Variants in SSU72 observed in about 807,000 individuals in gnomAD.
The protein encoded by SSU72 is SSU72 homolog, RNA polymerase II CTD phosphatase, also known as RNA polymerase II subunit A C-terminal domain phosphatase SSU72.
A neutral mutation model predicts 22.7 loss-of-function variants in SSU72; 12 were observed. That is an observed-to-expected ratio of 0.53 (90% CI 0.34 to 0.86). The LOEUF is 0.86. Ranked by LOEUF, SSU72 falls within the 40% of genes least tolerant of loss-of-function variation. The pLI is 0.02. For synonymous variants in SSU72, 116 were observed against 98.3 expected (o/e 1.18, Z -1.06); for missense variants, 151 against 249.8 (o/e 0.60, Z 2.67).
At chr1:1,553,034 A>G (rs1206063826) in intron 2 of SSU72, among the ~76,000 whole-genome samples, 1 of 152,098 alleles carries the variant, frequency 6.6e-6, no homozygotes, top group African/African-American at 2.4e-5. Context: ...AAAAAAAAAA[A>G]AAAAATTACT....
At chr1:1,562,475 T>C (rs913830682) in intron 2 of SSU72, 4 of 152,136 alleles carry the variant, frequency 2.6e-5, no homozygotes, top group Admixed American at 2.0e-4. Flanking sequence ...GGGAAGGGGC[T>C]GCGTGGTCAT....
chr1:1,555,054 C>A (rs1642503934), intron 2 of SSU72, among the ~76,000 whole-genome samples: 1 of 152,168 alleles, frequency 6.6e-6, no homozygotes, highest in Non-Finnish European at 1.5e-5. Flanking sequence ...GACAGACACA[C>A]CCACGAGGGG....
chr1:1,570,734 G>C (rs149113254), intron 1 of SSU72, among the ~76,000 whole-genome samples: 1 of 152,220 alleles, frequency 6.6e-6, no homozygotes, highest in Non-Finnish European at 1.5e-5. Flanking sequence ...GCTTATCCCC[G>C]ATGCATGCGT....
chr1:1,549,496 G>T (rs1354991271), intron 2 of SSU72, among the ~76,000 whole-genome samples: 1 of 151,230 alleles, frequency 6.6e-6, no homozygotes, highest in Non-Finnish European at 1.5e-5. Context: ...TCCAGCCTGG[G>T]GGACAGAGCG....
rs772686303 is a variant in SSU72 at position 1,554,317 on chromosome 1, C to A, written c.225-9315G>T. Among the ~76,000 whole-genome samples, 2 of 150,738 alleles carry A rather than the reference C, an allele frequency of 1.3e-5. No individual in the cohort carries two copies. Among genetic ancestry groups the A allele is most frequent in the African/African-American group, 4.9e-5 (2 of 40,850 alleles). ...GATCCGGACCACTCGGGGGTCCCCACGAAGCTGAGCATGAGGCGGATCCGG... is the reference window on the plus strand; with the variant it reads ...GATCCGGACCACTCGGGGGTCCCCAAGAAGCTGAGCATGAGGCGGATCCGG... On this transcript the variant is annotated intron_variant, in intron 2 of 4. Coordinates refer to ENST00000291386, the MANE Select transcript of SSU72 (RefSeq NM_014188.3). This position sits in a 1 kb window ranked among gnomAD's most constrained non-coding sequence, Gnocchi z 4.1.
chr1:1,560,466 C>T (rs780117441), intron 2 of SSU72, among the ~76,000 whole-genome samples: 9 of 152,184 alleles, frequency 5.9e-5, no homozygotes, highest in Non-Finnish European at 1.3e-4. Flanking sequence ...CCCAGTGCTG[C>T]AAACCTAGAC....
chr1:1,546,769 G>C (rs1278990155), intron 2 of SSU72, among the ~76,000 whole-genome samples: 3 of 149,308 alleles, frequency 2.0e-5, no homozygotes, highest in Non-Finnish European at 4.5e-5. Flanking sequence ...CTTCAACCCG[G>C]GCGGCGGAGG....
chr1:1,543,324 T>C (rs1196904827), intron 4 of SSU72, among the ~76,000 whole-genome samples: 2 of 152,202 alleles, frequency 1.3e-5, no homozygotes, highest in Non-Finnish European at 2.9e-5. Context: ...CCCGGAGAGC[T>C]GCATGCTCTG....
At chr1:1,574,393 C>T in intron 1 of SSU72, 85 bp downstream of exon 1, 2 of 1,441,284 alleles carry the variant, frequency 1.4e-6, no homozygotes, top group Non-Finnish European at 1.9e-6. Flanking sequence ...TCTCAGGGGT[C>T]CTGGCGCGGG....
chr1:1,554,787 G>A lies in SSU72; in HGVS notation c.225-9785C>T, dbSNP rs1178836460. On this transcript the variant is annotated intron_variant, in intron 2 of 4. Transcript: ENST00000291386. This position sits in a 1 kb window ranked among gnomAD's most constrained non-coding sequence, Gnocchi z 4.1. ...CGCTGGCCACAGGCACTGGAGCCAC[G>A]AAAGCAACAGCCCTGGGCAGCCCAG... Among the ~76,000 whole-genome samples, 1 of 152,144 alleles carries A rather than the reference G, an allele frequency of 6.6e-6. No homozygotes were observed. Among genetic ancestry groups the A allele is most frequent in the South Asian group, 2.1e-4 (1 of 4,826 alleles).
chr1:1,569,705 T>C (rs767478840), intron 1 of SSU72, among the ~76,000 whole-genome samples: 7 of 152,182 alleles, frequency 4.6e-5, no homozygotes, highest in Non-Finnish European at 1.0e-4. Context: ...CGGGTCTCAC[T>C]GTGTTGCCCA....
At position 1,554,764 on chromosome 1, in the gene SSU72, CTGGCCACA is replaced by C. The variant is rs1642499651; in HGVS notation, c.225-9770_225-9763del. ...AAAAAGCCATGTCAGGTGCAGCACG[CTGGCCACA>C]GGCACTGGAGCCACGAAAGCAACAG... On this transcript the variant is annotated intron_variant, in intron 2 of 4. Coordinates refer to ENST00000291386, the MANE Select transcript of SSU72 (RefSeq NM_014188.3). This position sits in a 1 kb window ranked among gnomAD's most constrained non-coding sequence, Gnocchi z 4.1. Among the ~76,000 whole-genome samples, 1 of 152,128 alleles carries C rather than the reference CTGGCCACA, an allele frequency of 6.6e-6. No homozygotes were observed. The highest frequency in any genetic ancestry group is 6.6e-5 in the Admixed American group (1 of 15,266).
At chr1:1,546,860 CAAA>C (rs1169308811) in intron 2 of SSU72, among the ~76,000 whole-genome samples, 56 of 75,116 alleles carry the variant, frequency 7.5e-4, no homozygotes, top group East Asian at 6.9e-3. Flanking sequence ...ACAACAACAA[CAAA>C]AAAAAAAAAA....
rs897445832 is a variant in SSU72 at position 1,542,243 on chromosome 1, G to A, written c.484-76C>T. ...TCCCCCTAACACCTGGATCGCCAGG[G>A]AAACGCCAGGCCTGAGCCAGCAGAA... On this transcript the variant is annotated intron_variant, in intron 4 of 4. Transcript: ENST00000291386. This position sits in a 1 kb window ranked among gnomAD's most constrained non-coding sequence, Gnocchi z 4.4. 2 of 1,394,186 alleles carry A rather than the reference G, an allele frequency of 1.4e-6. No homozygotes were observed. The highest frequency in any genetic ancestry group is 1.4e-5 in the African/African-American group (1 of 69,828). The allele number at this position is 1,394,186 out of a possible 1,614,324, so 86.4% of individuals were successfully genotyped here. A position where few individuals can be genotyped will look rare whatever the true frequency, so the allele number is the denominator to read the frequency against.
At chr1:1,548,904 T>C (rs1287615427) in intron 2 of SSU72, among the ~76,000 whole-genome samples, 2 of 152,194 alleles carry the variant, frequency 1.3e-5, no homozygotes, top group East Asian at 3.8e-4. Context: ...GTCACTCCCG[T>C]CCCACAGTGA....
At chr1:1,560,551 T>C (rs562010385) in intron 2 of SSU72, among the ~76,000 whole-genome samples, 1 of 152,372 alleles carries the variant, frequency 6.6e-6, no homozygotes, top group Non-Finnish European at 1.5e-5. Flanking sequence ...GGCTCACTTC[T>C]GGCTTGTGGG....
rs1485344134 is a variant in SSU72, at chr1:1,554,311, T to A, written c.225-9309A>T. On this transcript the variant is annotated intron_variant, in intron 2 of 4. Transcript: ENST00000291386. The surrounding 1 kb of genome is among the most constrained non-coding windows in gnomAD (Gnocchi z 4.1). ...GAGACGGATCCGGACCACTCGGGGG[T>A]CCCCACGAAGCTGAGCATGAGGCGG... 7.0e-6 allele frequency among the ~76,000 whole-genome samples: 1 copy of A among 141,876 alleles called. No individual in the cohort carries two copies. Among genetic ancestry groups the A allele is most frequent in the Non-Finnish European group, 1.5e-5 (1 of 65,482 alleles). The allele number at this position is 141,876 out of a possible 152,430, so 93.1% of individuals were successfully genotyped here.
intron 1 of SSU72, among the ~76,000 whole-genome samples, chr1:1,571,570 A>T (rs905361401): frequency 6.6e-6 from 1 of 152,184 alleles, no homozygotes; most frequent in Non-Finnish European, 1.5e-5. Context: ...TTTTATGAGT[A>T]AATTTGAATG....
intron 4 of SSU72, among the ~76,000 whole-genome samples, chr1:1,543,640 C>T (rs1181014098): frequency 1.3e-5 from 2 of 152,010 alleles, no homozygotes; most frequent in African/African-American, 2.4e-5. Context: ...GTCACGGCCT[C>T]GGCCACTCCC....
Sources: gnomAD v4.1 joint callset for allele counts (sites outside exome capture counted in the v4.1 genomes callset) on GRCh38, gnomAD v4.1.1 for gene constraint, Gnocchi (gnomAD v3.1) non-coding constraint, MANE v1.5 for transcripts, NCBI Gene and HGNC (gene_info 2026-07-23, HGNC 2026-07-21) for gene names.